GABRR2: variants seen among roughly 807,000 people sequenced by gnomAD.
GABRR2 encodes gamma-aminobutyric acid receptor subunit rho-2.
A neutral mutation model predicts 47.0 loss-of-function variants in GABRR2; 36 were observed. The observed-to-expected ratio is 0.77, with a 90% CI of 0.59 to 1.01. The LOEUF is 1.01. Ranked by LOEUF, GABRR2 falls within the 50% of genes least tolerant of loss-of-function variation. GABRR2 has a pLI of 0.00. For missense variants in GABRR2, 587 were observed against 594.6 expected (o/e 0.99, Z 0.13); for synonymous variants, 204 against 227.5 (o/e 0.90, Z 0.93).
In GABRR2 at chr6:89,273,610, C is replaced by G. The variant is rs138742648; in HGVS notation, c.221-1888G>C. ...TGGGATGGTCCCTGTGGGAGGAGGCCCCTCCTCAGGGCTTACCAATTAACC... is the reference window on the plus strand; with the variant it reads ...TGGGATGGTCCCTGTGGGAGGAGGCGCCTCCTCAGGGCTTACCAATTAACC... On this transcript the variant is annotated intron_variant, in intron 2 of 8. Coordinates refer to ENST00000402938, the MANE Select transcript of GABRR2 (RefSeq NM_002043.5). 2.4e-4 allele frequency among the ~76,000 whole-genome samples: 37 copies of G among 152,254 alleles called. 1 individual carries two copies. Among genetic ancestry groups the G allele is most frequent in the African/African-American group, 8.4e-4 (35 of 41,540 alleles).
At chr6:89,272,727 G>A (rs963082997) in intron 2 of GABRR2, among the ~76,000 whole-genome samples, 2 of 152,192 alleles carry the variant, frequency 1.3e-5, no homozygotes, top group African/African-American at 4.8e-5. Context: ...AGGACGTTGT[G>A]ACCCACTGTG....
At chr6:89,300,429 G>A (rs1774645741) in intron 1 of GABRR2, among the ~76,000 whole-genome samples, 1 of 151,962 alleles carries the variant, frequency 6.6e-6, no homozygotes, top group African/African-American at 2.4e-5. Context: ...AGAATCACTT[G>A]AACCAAGGAG....
At chr6:89,302,023 TGGA>T in intron 1 of GABRR2, 2 of 680,618 alleles carry the variant, frequency 2.9e-6, no homozygotes, top group East Asian at 5.2e-5. Flanking sequence ...CGGGGCCTTT[TGGA>T]CATTTTTTCA....
intron 2 of GABRR2, among the ~76,000 whole-genome samples, chr6:89,298,728 C>T (rs1774597575): frequency 6.6e-6 from 1 of 152,184 alleles, no homozygotes; most frequent in Admixed American, 6.5e-5. Flanking sequence ...ATTCCTTTCC[C>T]AGCTGCTATG....
At chr6:89,269,317 T>G in intron 3 of GABRR2, 83 bp from the exon 4 acceptor site, 1 of 1,025,780 alleles carries the variant, frequency 9.7e-7, no homozygotes, top group Non-Finnish European at 1.5e-6. Context: ...ACTACTGTGG[T>G]GAACATCTCA....
At chr6:89,298,609 G>A (rs1774596369) in intron 2 of GABRR2, among the ~76,000 whole-genome samples, 1 of 152,196 alleles carries the variant, frequency 6.6e-6, no homozygotes, top group Admixed American at 6.5e-5. Flanking sequence ...TTCATCAACT[G>A]AAATTCTTGG....
intron 8 of GABRR2, among the ~76,000 whole-genome samples, chr6:89,263,496 C>G (rs1242849838): frequency 6.6e-6 from 1 of 152,100 alleles, no homozygotes; most frequent in East Asian, 1.9e-4. Flanking sequence ...TAGTACAGTA[C>G]AGTACATTAT....
At position 89,255,616 on chromosome 6, in the gene GABRR2, T is replaced by G. The variant is rs1242004906; in HGVS notation, c.*2054A>C. ...GCACCGGCATGGTGGGGACCTGCCT[T>G]GATCCCTAGTGTTGTGGAAAAAGCT... On this transcript the variant is annotated 3_prime_UTR_variant, in exon 9 of 9. Coordinates refer to ENST00000402938, the MANE Select transcript of GABRR2 (RefSeq NM_002043.5). 6.6e-6 allele frequency among the ~76,000 whole-genome samples: 1 copy of G among 152,182 alleles called. No homozygotes were observed. Among genetic ancestry groups the G allele is most frequent in the Admixed American group, 6.6e-5 (1 of 15,266 alleles).
chr6:89,300,786 T>A (rs1257708632), intron 1 of GABRR2, among the ~76,000 whole-genome samples: 3 of 146,768 alleles, frequency 2.0e-5, no homozygotes, highest in African/African-American at 7.5e-5. Flanking sequence ...CCTGATATAT[T>A]CACAGCCAAA....
intron 2 of GABRR2, among the ~76,000 whole-genome samples, chr6:89,282,679 TG>T (rs1229685773): frequency 6.6e-6 from 1 of 152,224 alleles, no homozygotes; most frequent in Non-Finnish European, 1.5e-5. Context: ...GATGGGATCC[TG>T]GAAAGGCCTT....
intron 2 of GABRR2, among the ~76,000 whole-genome samples, chr6:89,287,366 C>T (rs1174711976): frequency 6.6e-6 from 1 of 152,174 alleles, no homozygotes; most frequent in Non-Finnish European, 1.5e-5. Flanking sequence ...GGAGACAGTC[C>T]AGCTGGGGAA....
intron 2 of GABRR2, among the ~76,000 whole-genome samples, chr6:89,282,235 C>T (rs1400863194): frequency 6.6e-6 from 1 of 152,204 alleles, no homozygotes; most frequent in Non-Finnish European, 1.5e-5. Flanking sequence ...CCCTCACATA[C>T]TGATCTTGCT....
chr6:89,264,721 G>C (rs779841017), intron 7 of GABRR2, 113 bp from the exon 8 acceptor site: 29 of 1,363,410 alleles, frequency 2.1e-5, no homozygotes, highest in Non-Finnish European at 2.6e-5. Context: ...GAAAGTCCCA[G>C]GTGTGTTTCC....
At chr6:89,264,687 C>T in intron 7 of GABRR2, 79 bp from the exon 8 acceptor site, 1 of 1,520,990 alleles carries the variant, frequency 6.6e-7, no homozygotes, top group Non-Finnish European at 9.0e-7. Context: ...CGATTTTACA[C>T]TCTCTATCTC....
rs2127820490 is a variant in GABRR2 at position 89,255,611 on chromosome 6, T to G, written c.*2059A>C. Among the ~76,000 whole-genome samples the G allele has an allele frequency of 6.6e-6, 1 of 152,334 alleles. No homozygotes were observed. The highest frequency in any genetic ancestry group is 2.1e-4 in the South Asian group (1 of 4,830). Reference sequence around the variant, plus strand: ...CATAAGCACCGGCATGGTGGGGACCTGCCTTGATCCCTAGTGTTGTGGAAA... The same window carrying G: ...CATAAGCACCGGCATGGTGGGGACCGGCCTTGATCCCTAGTGTTGTGGAAA... On this transcript the variant is annotated 3_prime_UTR_variant, in exon 9 of 9. Transcript: ENST00000402938.
At chr6:89,287,560 G>A (rs1044800602) in intron 2 of GABRR2, among the ~76,000 whole-genome samples, 1 of 152,198 alleles carries the variant, frequency 6.6e-6, no homozygotes, top group Non-Finnish European at 1.5e-5. Context: ...TCGCCGCCTC[G>A]CACACACTGG....
At chr6:89,297,301 T>G (rs1454015654) in intron 2 of GABRR2, among the ~76,000 whole-genome samples, 1 of 152,202 alleles carries the variant, frequency 6.6e-6, no homozygotes, top group Non-Finnish European at 1.5e-5. Context: ...CCCCAGGCAG[T>G]GTGCCTATGC....
At chr6:89,268,241 G>C (rs1349731465) in intron 4 of GABRR2, 145 bp from the exon 5 acceptor site, 2 of 687,726 alleles carry the variant, frequency 2.9e-6, no homozygotes, top group African/African-American at 3.6e-5. Context: ...CTGAGTTATA[G>C]AACCTTAACT....
intron 8 of GABRR2, among the ~76,000 whole-genome samples, chr6:89,258,540 T>TAAA (rs58724665): frequency 6.2e-4 from 73 of 117,172 alleles, no homozygotes; most frequent in African/African-American, 2.3e-3. Context: ...ACTCCTTCTC[T>TAAA]AAAAAAAAAA....
Sources: gnomAD v4.1 joint callset for allele counts (sites outside exome capture counted in the v4.1 genomes callset) on GRCh38, gnomAD v4.1.1 for gene constraint, MANE v1.5 for transcripts, NCBI Gene and HGNC (gene_info 2026-07-23, HGNC 2026-07-21) for gene names.